Variants in ZPBP observed in about 807,000 individuals in gnomAD.
ZPBP encodes zona pellucida-binding protein 1.
In ZPBP, 26 loss-of-function variants were observed where a neutral mutation model predicts 44.8. The observed-to-expected ratio is 0.58, with a 90% confidence interval of 0.43 to 0.81. The LOEUF is 0.81. ZPBP is among the 30% of genes least tolerant of loss of function. The pLI is 0.00. For missense variants in ZPBP, 409 were observed against 434.0 expected, an observed-to-expected ratio of 0.94 and a Z score of 0.51; for synonymous variants, 174 against 153.2, an observed-to-expected ratio of 1.14 and a Z score of -1.00.
intron 1 of ZPBP, among the ~76,000 whole-genome samples, chr7:49,906,359 G>C (rs912299520): frequency 2.0e-5 from 3 of 152,084 alleles, no homozygotes; most frequent in South Asian, 2.1e-4. Flanking sequence ...TTTTGAGACA[G>C]AGTCTTGCTC....
downstream of ZPBP, among the ~76,000 whole-genome samples, chr7:49,846,287 A>G (rs1789943714): frequency 6.6e-6 from 1 of 152,180 alleles, no homozygotes; most frequent in Non-Finnish European, 1.5e-5. Flanking sequence ...ATATGGAAAG[A>G]AATTTGATGG....
chr7:49,968,840 ACT>A (rs1424950406), intron 7 of ZPBP, among the ~76,000 whole-genome samples: 2 of 151,934 alleles, frequency 1.3e-5, no homozygotes, highest in African/African-American at 2.4e-5. Flanking sequence ...GGGTAAACTG[ACT>A]CTAGTTAATA....
At chr7:49,883,834 C>A (rs1791782584) in intron 2 of ZPBP, among the ~76,000 whole-genome samples, 1 of 152,164 alleles carries the variant, frequency 6.6e-6, no homozygotes, top group African/African-American at 2.4e-5. Flanking sequence ...CATAGACATA[C>A]CCTAGTGAAT....
intron 2 of ZPBP, among the ~76,000 whole-genome samples, chr7:49,851,744 G>A (rs1356466787): frequency 6.6e-6 from 1 of 152,090 alleles, no homozygotes; most frequent in Non-Finnish European, 1.5e-5. Context: ...TATAATCCCA[G>A]CTACTTGGGA....
At chr7:49,872,251 C>T (rs1349198138) in intron 2 of ZPBP, among the ~76,000 whole-genome samples, 2 of 152,036 alleles carry the variant, frequency 1.3e-5, no homozygotes, top group African/African-American at 4.8e-5. Flanking sequence ...GACAGAGGGG[C>T]TACTGTTGAA....
chr7:49,967,720 A>G (rs537349195), intron 7 of ZPBP, among the ~76,000 whole-genome samples: 1 of 152,044 alleles, frequency 6.6e-6, no homozygotes, highest in South Asian at 2.1e-4. Context: ...CTAATTTTGT[A>G]TTTTTAGTAG....
chr7:49,948,892 G>GTGT (rs1795214687), intron 7 of ZPBP, among the ~76,000 whole-genome samples: 1 of 152,120 alleles, frequency 6.6e-6, no homozygotes, highest in Admixed American at 6.6e-5. Flanking sequence ...ATTGAAAGAA[G>GTGT]TGTCTCAAAG....
intron 6 of ZPBP, among the ~76,000 whole-genome samples, chr7:49,987,754 GTGTGTGTGTGTGTGTGT>G (rs1268563028): frequency 6.9e-6 from 1 of 145,592 alleles, no homozygotes; most frequent in Non-Finnish European, 1.5e-5. Context: ...GTGTGTGTGT[GTGTGTGTGTGTGTGTGT>G]GCAATGTCTA....
At chr7:50,043,230 T>C (rs1017135926) in intron 4 of ZPBP, among the ~76,000 whole-genome samples, 1 of 152,220 alleles carries the variant, frequency 6.6e-6, no homozygotes, top group African/African-American at 2.4e-5. Context: ...AAACAATGCT[T>C]ATCACTGGCT....
intron 7 of ZPBP, among the ~76,000 whole-genome samples, chr7:49,981,496 A>T (rs1796930518): frequency 1.4e-5 from 1 of 73,298 alleles, no homozygotes; most frequent in Non-Finnish European, 2.3e-5. Flanking sequence ...ATTATATATA[A>T]TATAAATTAT....
intron 1 of ZPBP, among the ~76,000 whole-genome samples, chr7:49,926,354 C>A (rs1370410589): frequency 2.0e-5 from 3 of 152,212 alleles, no homozygotes; most frequent in Non-Finnish European, 4.4e-5. Context: ...CTACTACCTG[C>A]AGCTTAGGCA....
intron 7 of ZPBP, chr7:49,944,208 T>C (rs539037832): frequency 2.8e-6 from 1 of 356,242 alleles, no homozygotes; most frequent in South Asian, 2.8e-5. Context: ...AACTATTTGA[T>C]ATTTGGCTGC....
intron 2 of ZPBP, among the ~76,000 whole-genome samples, chr7:49,877,939 C>T (rs967804773): frequency 2.1e-4 from 32 of 152,018 alleles, no homozygotes; most frequent in African/African-American, 6.8e-4. Flanking sequence ...TAGGTTCTGT[C>T]ATTTTGGGGT....
At chr7:50,078,899 A>T (rs1802232652) in intron 3 of ZPBP, among the ~76,000 whole-genome samples, 1 of 115,126 alleles carries the variant, frequency 8.7e-6, no homozygotes, top group South Asian at 2.9e-4. Context: ...TGGGCAAAAG[A>T]CATGAATAGA....
chr7:50,038,274 A>G (rs1799909693), intron 4 of ZPBP, among the ~76,000 whole-genome samples: 2 of 152,190 alleles, frequency 1.3e-5, no homozygotes, highest in South Asian at 4.1e-4. Flanking sequence ...CTGAATCTCA[A>G]AGGAACTGGT....
rs1801058616 is a variant in ZPBP at position 50,058,091 on chromosome 7, T to G, written c.385A>C (p.Asn129His). ...ITSTGSLVFQ[N>H]FEESMSGIYT... ...ATTCCACTCATACTCTCCTCAAAAT[T>G]TTGGAATACAAGGCTTCCTGTGGAT... The change falls in exon 4 of 8, where the codon AAT becomes CAT. Residue 129 changes from asparagine to histidine, a missense_variant. Transcript: ENST00000046087. 1.2e-6 allele frequency: 2 copies of G among 1,613,916 alleles called. No individual in the cohort carries two copies. Among genetic ancestry groups the G allele is most frequent in the South Asian group, 1.1e-5 (1 of 91,072 alleles).
chr7:49,925,631 T>C (rs998603631), intron 1 of ZPBP, among the ~76,000 whole-genome samples: 1 of 152,208 alleles, frequency 6.6e-6, no homozygotes, highest in Non-Finnish European at 1.5e-5. Flanking sequence ...TGCTGAGTGT[T>C]AACTATGTGA....
intron 5 of ZPBP, among the ~76,000 whole-genome samples, chr7:50,027,517 G>A (rs931298677): frequency 6.6e-5 from 10 of 151,782 alleles, no homozygotes; most frequent in Admixed American, 5.9e-4. Context: ...TACTTAACAA[G>A]AAGAAAGATT....
At chr7:50,025,008 T>C (rs554197971) in intron 5 of ZPBP, among the ~76,000 whole-genome samples, 5 of 152,040 alleles carry the variant, frequency 3.3e-5, no homozygotes, top group East Asian at 1.9e-4. Flanking sequence ...TGCTTTCCTA[T>C]GTACTTGTAA....
Sources: allele counts gnomAD v4.1 joint callset (sites outside exome capture counted in the v4.1 genomes callset), GRCh38; gene constraint gnomAD v4.1.1; transcripts MANE v1.5; gene names NCBI Gene and HGNC (gene_info 2026-07-23, HGNC 2026-07-21).